Variants in ADAMTSL1 observed in about 807,000 individuals in gnomAD.
ADAMTSL1 encodes the protein ADAMTS like 1.
A neutral mutation model predicts 201.8 loss-of-function variants in ADAMTSL1; 126 were observed. The observed-to-expected ratio is 0.62, with a 90% CI of 0.54 to 0.72. The LOEUF (loss-of-function observed/expected upper bound fraction) is 0.72, where lower values mean the gene tolerates loss of function less well. Ranked by LOEUF, ADAMTSL1 falls within the 30% of genes least tolerant of loss-of-function variation. The pLI, the probability that ADAMTSL1 is intolerant of heterozygous loss-of-function variation, is 0.00. For missense variants in ADAMTSL1, 2,679 were observed against 2,277.8 expected (o/e 1.18, Z -3.59); for synonymous variants, 1,121 against 903.4 (o/e 1.24, Z -4.32).
chr9:18,115,192 A>G (rs1825197888), intron 1 of ADAMTSL1, among the ~76,000 whole-genome samples: 1 of 152,178 alleles, frequency 6.6e-6, no homozygotes, highest in Non-Finnish European at 1.5e-5. Context: ...GCTTTGAGTT[A>G]TTCACGAAAT....
intron 7 of ADAMTSL1, among the ~76,000 whole-genome samples, chr9:18,656,458 TCTCTACTAAA>T (rs1564124200): frequency 6.6e-6 from 1 of 151,660 alleles, no homozygotes; most frequent in Non-Finnish European, 1.5e-5. Flanking sequence ...TGAAACCCCG[TCTCTACTAAA>T]AATACAAAAA....
At chr9:18,246,587 A>T (rs1210622661) in intron 2 of ADAMTSL1, among the ~76,000 whole-genome samples, 2 of 152,232 alleles carry the variant, frequency 1.3e-5, no homozygotes, top group Non-Finnish European at 2.9e-5. Context: ...TTTAATTTTT[A>T]TAACAGTGCT....
rs1436715131 is a variant in ADAMTSL1 at position 18,753,402 on chromosome 9, C to T, written c.2111C>T (p.Thr704Ile). ...SHLLSREMNE[T>I]VILADELCRQ... The stretch of plus-strand genomic sequence containing the variant: ...CTGCTTTCCAGAGAGATGAATGAAA[C>T]AGTCATCCTGGCTGATGAGCTGTGT... The change falls in exon 16 of 29, where the codon ACA (threonine) becomes ATA (isoleucine). Residue 704 changes from threonine (T) to isoleucine (I), a missense_variant. Transcript: ENST00000380548. 3.1e-6 allele frequency: 5 copies of T among 1,613,144 alleles called. No individual in the cohort carries two copies. Among genetic ancestry groups the T allele is most frequent in the Non-Finnish European group, 4.2e-6 (5 of 1,179,630 alleles).
chr9:18,598,135 A>G (rs62548414), intron 4 of ADAMTSL1, among the ~76,000 whole-genome samples: 2,453 of 152,238 alleles, frequency 0.016, 54 homozygotes, highest in African/African-American at 0.048. Context: ...AAATTCAGAG[A>G]CCCTGGGGAT....
At chr9:18,457,877 G>A (rs912285404) in intron 2 of ADAMTSL1, among the ~76,000 whole-genome samples, 3 of 152,158 alleles carry the variant, frequency 2.0e-5, no homozygotes, top group African/African-American at 7.2e-5. Flanking sequence ...TGTCTGGCCT[G>A]TATTCTGTCT....
chr9:18,069,078 GTC>G (rs552246018), intron 1 of ADAMTSL1, among the ~76,000 whole-genome samples: 66 of 152,184 alleles, frequency 4.3e-4, no homozygotes, highest in Non-Finnish European at 6.3e-4. Flanking sequence ...CTAAGTGTGT[GTC>G]TAAAACAGGT....
chr9:18,495,121 C>G (rs1351475549), intron 1 of ADAMTSL1, among the ~76,000 whole-genome samples: 1 of 152,110 alleles, frequency 6.6e-6, no homozygotes, highest in Non-Finnish European at 1.5e-5. Context: ...GACTTGATGT[C>G]TGATTAATTA....
chr9:18,515,613 G>T (rs1818321337), intron 2 of ADAMTSL1, among the ~76,000 whole-genome samples: 2 of 152,136 alleles, frequency 1.3e-5, no homozygotes, highest in South Asian at 4.1e-4. Context: ...GGGATTACAG[G>T]GATGAGCTAC....
chr9:18,406,612 T>C (rs1423576652), intron 2 of ADAMTSL1, among the ~76,000 whole-genome samples: 1 of 152,182 alleles, frequency 6.6e-6, no homozygotes, highest in Non-Finnish European at 1.5e-5. Flanking sequence ...ATTACAGGCG[T>C]GAGCCACCAT....
chr9:18,776,847 C>A lies in ADAMTSL1; in HGVS notation c.2618C>A (p.Thr873Asn). Reference protein sequence around the residue: ...IAAARKVYIQTRRQRKLHFVV... With the variant: ...IAAARKVYIQNRRQRKLHFVV... The stretch of plus-strand genomic sequence containing the variant: ...GCCGCCAGGAAGGTCTACATACAGA[C>A]TCGCAGGCAGAGGAAGCTGCACTTC... The change falls in exon 19 of 29, where the codon ACT becomes AAT. Residue 873 changes from threonine to asparagine, a missense_variant. Coordinates refer to ENST00000380548, the MANE Select transcript of ADAMTSL1 (RefSeq NM_001040272.6). 6.2e-7 allele frequency: 1 copy of A among 1,603,170 alleles called. No homozygotes were observed. The highest frequency in any genetic ancestry group is 8.5e-7 in the Non-Finnish European group (1 of 1,175,318).
At chr9:18,105,210 G>A (rs923217021) in intron 1 of ADAMTSL1, among the ~76,000 whole-genome samples, 1 of 152,120 alleles carries the variant, frequency 6.6e-6, no homozygotes, top group Non-Finnish European at 1.5e-5. Flanking sequence ...TGCTCTCTGA[G>A]TTTCCTTCCA....
intron 23 of ADAMTSL1, among the ~76,000 whole-genome samples, chr9:18,877,557 C>T (rs1052914957): frequency 2.3e-4 from 35 of 152,222 alleles, no homozygotes; most frequent in African/African-American, 7.5e-4. Flanking sequence ...TGAGGAGAGG[C>T]TGTGAAGAGT....
intron 5 of ADAMTSL1, among the ~76,000 whole-genome samples, chr9:18,626,947 C>CT (rs142535767): frequency 9.7e-4 from 128 of 132,074 alleles, no homozygotes; most frequent in African/African-American, 3.2e-3. Flanking sequence ...TCCTTTCTTT[C>CT]TTTCTTTTCT....
intron 5 of ADAMTSL1, among the ~76,000 whole-genome samples, chr9:18,622,934 T>C (rs887207140): frequency 1.3e-5 from 2 of 152,214 alleles, no homozygotes; most frequent in Admixed American, 6.5e-5. Flanking sequence ...CTCATTCTGT[T>C]GCCTAGGCTA....
chr9:17,929,571 T>G (rs1000515520), intron 1 of ADAMTSL1, among the ~76,000 whole-genome samples: 1 of 152,142 alleles, frequency 6.6e-6, no homozygotes, highest in Non-Finnish European at 1.5e-5. Context: ...CTCAGCTCCC[T>G]TCTACCCAGG....
chr9:18,013,007 T>TAA (rs1820117310), intron 1 of ADAMTSL1, among the ~76,000 whole-genome samples: 2 of 151,334 alleles, frequency 1.3e-5, no homozygotes, highest in Non-Finnish European at 3.0e-5. Flanking sequence ...TTTTTTTCTT[T>TAA]AGCACATATT....
chr9:18,459,430 A>G (rs1014726884), intron 2 of ADAMTSL1, among the ~76,000 whole-genome samples: 2 of 152,138 alleles, frequency 1.3e-5, no homozygotes, highest in Admixed American at 1.3e-4. Flanking sequence ...GTTGCACTTG[A>G]GGCCTTACCT....
intron 1 of ADAMTSL1, among the ~76,000 whole-genome samples, chr9:18,074,693 T>A (rs1017739436): frequency 3.9e-5 from 6 of 151,932 alleles, no homozygotes; most frequent in Non-Finnish European, 8.8e-5. Context: ...TGGGTTCAAG[T>A]GATTCTCCTG....
At chr9:18,304,985 C>A (rs1833854051) in intron 2 of ADAMTSL1, among the ~76,000 whole-genome samples, 1 of 152,198 alleles carries the variant, frequency 6.6e-6, no homozygotes, top group South Asian at 2.1e-4. Context: ...CAGGTGATTT[C>A]TGCATTTCCA....
Sources: gnomAD v4.1 joint callset for allele counts (sites outside exome capture counted in the v4.1 genomes callset) on GRCh38, gnomAD v4.1.1 for gene constraint, MANE v1.5 for transcripts, NCBI Gene and HGNC (gene_info 2026-07-23, HGNC 2026-07-21) for gene names.